DPP3: variants seen among roughly 807,000 people sequenced by gnomAD.
DPP3 encodes DPP III.
DPP3 carries 64 observed loss-of-function variants against 89.8 expected under a neutral mutation model. That is an observed-to-expected ratio of 0.71 (90% CI 0.58 to 0.88). The LOEUF is 0.88. Among genes scored for constraint, DPP3 ranks in the 40% least tolerant of loss-of-function variants. DPP3 has a pLI of 0.00. For synonymous variants in DPP3, 377 were observed against 404.3 expected, an observed-to-expected ratio of 0.93 and a Z score of 0.81; for missense variants, 835 against 972.5, an observed-to-expected ratio of 0.86 and a Z score of 1.88.
chr11:66,507,660 G>A (rs922782859), intron 17 of DPP3, among the ~76,000 whole-genome samples: 1 of 151,030 alleles, frequency 6.6e-6, no homozygotes, highest in Non-Finnish European at 1.5e-5. Flanking sequence ...GATTTTCAAA[G>A]GTTGTGATGG....
chr11:66,485,075 A>G (rs1464851764), intron 2 of DPP3, 98 bp from the exon 3 acceptor site: 60 of 1,176,854 alleles, frequency 5.1e-5, no homozygotes, highest in Non-Finnish European at 7.3e-5. Context: ...AGCCTCACCC[A>G]CACTGGCTCT....
chr11:66,483,625 G>C (rs565126560), intron 2 of DPP3, among the ~76,000 whole-genome samples: 10 of 152,102 alleles, frequency 6.6e-5, no homozygotes, highest in African/African-American at 2.4e-4. Context: ...ACAGTGCCAT[G>C]GTGAGCATAC....
chr11:66,491,071 T>C (rs1441959445), intron 6 of DPP3, among the ~76,000 whole-genome samples, 182 bp from the exon 7 acceptor site: 1 of 152,110 alleles, frequency 6.6e-6, no homozygotes, highest in Non-Finnish European at 1.5e-5. Flanking sequence ...GCCCGGCTGA[T>C]ATATATTTTT....
intron 6 of DPP3, 69 bp downstream of exon 6, chr11:66,488,076 T>C: frequency 7.4e-7 from 1 of 1,358,724 alleles, no homozygotes; most frequent in South Asian, 1.3e-5. Context: ...GCTCAGGTCC[T>C]ACCAACTCTG....
At chr11:66,504,504 A>G (rs1024620796) in intron 16 of DPP3, 108 bp from the exon 17 acceptor site, 2 of 1,307,070 alleles carry the variant, frequency 1.5e-6, no homozygotes, top group Non-Finnish European at 1.0e-6. Flanking sequence ...CATTCAAACC[A>G]TAGCACAGAC....
chr11:66,504,224 C>G (rs1855748140), intron 16 of DPP3, among the ~76,000 whole-genome samples: 1 of 152,004 alleles, frequency 6.6e-6, no homozygotes, highest in East Asian at 1.9e-4. Context: ...TCCCCAAGTG[C>G]CCAGGATTGC....
At chr11:66,502,339 G>T (rs1201852327) in intron 16 of DPP3, among the ~76,000 whole-genome samples, 1 of 150,548 alleles carries the variant, frequency 6.6e-6, no homozygotes, top group Admixed American at 6.6e-5. Flanking sequence ...TGGGAGTCTC[G>T]CTCTGTCCCC....
rs141845269 is a variant in DPP3 at position 66,493,403 on chromosome 11, G to A, written c.1297-138G>A. On this transcript the variant is annotated intron_variant, in intron 11 of 17. Transcript: ENST00000531863. ...CCTGGGTTGTTGCAAGGATGAAATGGGCTGTGGGGTGGAGCACAGTTGGCC... is the reference window on the plus strand; with the variant it reads ...CCTGGGTTGTTGCAAGGATGAAATGAGCTGTGGGGTGGAGCACAGTTGGCC... 7.9e-3 allele frequency: 7,203 copies of A among 909,242 alleles called. 47 individuals are homozygous for A. The highest frequency in any genetic ancestry group is 0.017 in the Middle Eastern group (52 of 3,072). The allele number at this position is 909,242 out of a possible 1,614,324, so 56.3% of individuals were successfully genotyped here. A position where few individuals can be genotyped will look rare whatever the true frequency, so the allele number is the denominator to read the frequency against.
At chr11:66,487,186 G>A (rs1047072464) in intron 4 of DPP3, 82 bp from the exon 5 acceptor site, 1 of 1,378,148 alleles carries the variant, frequency 7.3e-7, no homozygotes, top group South Asian at 1.2e-5. Context: ...GGAGGGAGGG[G>A]CGGGAAGCCT....
chr11:66,501,246 G>A (rs1158382150), intron 16 of DPP3, among the ~76,000 whole-genome samples: 2 of 151,166 alleles, frequency 1.3e-5, no homozygotes, highest in African/African-American at 4.9e-5. Flanking sequence ...TGTACTCCAA[G>A]CTACTCGGGA....
intron 16 of DPP3, among the ~76,000 whole-genome samples, chr11:66,502,993 G>A (rs1450918739): frequency 6.6e-6 from 1 of 151,722 alleles, no homozygotes; most frequent in Non-Finnish European, 1.5e-5. Flanking sequence ...TTTTGAGATG[G>A]AGTCTCACTT....
Position 66,486,654 on chromosome 11 carries a change from CG to C in DPP3, c.476del (p.Arg159HisfsTer72). On this transcript the variant is annotated frameshift_variant, in exon 4 of 18. Transcript: ENST00000531863. LOFTEE classifies it high-confidence loss of function. ...ELMFSLEPRL[R>X]HLGLGKEGIT... ...TATGTTCTCTCTGGAGCCAAGGCTT[CG>C]ACACCTCGGACTGGGGAAGGAGGTG... The C allele has an allele frequency of 6.4e-7, 1 of 1,561,708 alleles. No homozygotes were observed. Among genetic ancestry groups the C allele is most frequent in the South Asian group, 1.2e-5 (1 of 84,068 alleles).
intron 6 of DPP3, among the ~76,000 whole-genome samples, chr11:66,489,516 C>T (rs1855319215): frequency 1.3e-5 from 2 of 152,194 alleles, no homozygotes; most frequent in South Asian, 4.1e-4. Flanking sequence ...TAAGCTGGGC[C>T]TATACTTAGA....
Position 66,490,649 on chromosome 11 carries a change from A to G in DPP3, c.668-604A>G, listed in dbSNP as rs192218776. ...TCCCATCGGTGAAATGGAAATGATA[A>G]TGTCCGCCTCCTCCCAGAGTTGGAG... On this transcript the variant is annotated intron_variant, in intron 6 of 17. Coordinates refer to ENST00000531863, the MANE Select transcript of DPP3 (RefSeq NM_130443.4). 3.3e-5 allele frequency among the ~76,000 whole-genome samples: 5 copies of G among 152,028 alleles called. 1 individual carries two copies. Among genetic ancestry groups the G allele is most frequent in the Admixed American group, 3.3e-4 (5 of 15,254 alleles).
intron 17 of DPP3, among the ~76,000 whole-genome samples, chr11:66,508,807 G>C (rs1464655397): frequency 6.6e-6 from 1 of 152,132 alleles, no homozygotes; most frequent in Non-Finnish European, 1.5e-5. Context: ...TTACAGGCAT[G>C]AGCCACCATG....
chr11:66,482,003 A>G, intron 1 of DPP3, 190 bp from the exon 2 acceptor site: 1 of 765,728 alleles, frequency 1.3e-6, no homozygotes, highest in Admixed American at 2.8e-5. Flanking sequence ...CCACCAGTGT[A>G]TTTTGTGACC....
At chr11:66,487,415 G>T in intron 5 of DPP3, 73 bp downstream of exon 5, 2 of 1,482,720 alleles carry the variant, frequency 1.3e-6, no homozygotes, top group South Asian at 2.3e-5. Context: ...CACAACTGGT[G>T]ACCACTCCTG....
At chr11:66,487,786 A>C in intron 5 of DPP3, 128 bp from the exon 6 acceptor site, 1 of 789,318 alleles carries the variant, frequency 1.3e-6, no homozygotes, top group Non-Finnish European at 2.0e-6. Context: ...TCCTGCTCCC[A>C]GCCAACCCAG....
chr11:66,482,455 CGAG>C lies in DPP3; in HGVS notation c.262_264del (p.Glu88del), dbSNP rs1474246264. On this transcript the variant is annotated inframe_deletion, in exon 2 of 18. Coordinates refer to ENST00000531863, the MANE Select transcript of DPP3 (RefSeq NM_130443.4). ...AACATGCCCTGGCTGAAGGCCTTAC[CGAG>C]GAGGAGTATCAGGTCAGTTCTCTTG... 5.0e-6 allele frequency: 8 copies of C among 1,605,670 alleles called. No homozygotes were observed. The highest frequency in any genetic ancestry group is 5.9e-6 in the Non-Finnish European group (7 of 1,179,900).
Sources: gnomAD v4.1 joint callset for allele counts (sites outside exome capture counted in the v4.1 genomes callset) on GRCh38, gnomAD v4.1.1 for gene constraint, MANE v1.5 for transcripts, NCBI Gene and HGNC (gene_info 2026-07-23, HGNC 2026-07-21) for gene names.